The following CHRM3 variants were observed in gnomAD, a reference collection of about 807,000 sequenced individuals.
CHRM3 encodes the protein muscarinic acetylcholine receptor M3.
CHRM3 carries 11 observed loss-of-function variants against 41.8 expected under a neutral mutation model. That is an observed-to-expected ratio of 0.26 (90% CI 0.17 to 0.44). The LOEUF (loss-of-function observed/expected upper bound fraction) is 0.44. CHRM3 is among the 20% of genes least tolerant of loss of function. CHRM3 has a pLI of 1.00. For missense variants in CHRM3, 571 were observed against 745.4 expected (o/e 0.77, Z 2.72); for synonymous variants, 297 against 301.4 (o/e 0.99, Z 0.15).
At chr1:239,712,293 C>T (rs1054814594) in intron 5 of CHRM3, among the ~76,000 whole-genome samples, 2 of 152,068 alleles carry the variant, frequency 1.3e-5, no homozygotes, top group Non-Finnish European at 2.9e-5. Context: ...GGAATGACTT[C>T]GTTGGTTTGT....
chr1:239,604,010 A>AT lies in CHRM3; in HGVS notation c.-312-28213dup, dbSNP rs546510971. 1.3e-3 allele frequency among the ~76,000 whole-genome samples: 202 copies of AT among 152,326 alleles called. 1 individual carries two copies. Among genetic ancestry groups the AT allele is most frequent in the African/African-American group, 4.6e-3 (191 of 41,572 alleles). Reference sequence around the variant, plus strand: ...TAAGAAACATGAAATGCTCAGTAATATATTAGTAAAAATGAAGGGGATTCA... The same window carrying AT: ...TAAGAAACATGAAATGCTCAGTAATATTATTAGTAAAAATGAAGGGGATTCA... On this transcript the variant is annotated intron_variant, in intron 3 of 6. Coordinates refer to ENST00000676153, the MANE Select transcript of CHRM3 (RefSeq NM_001375978.1).
chr1:239,500,745 C>G (rs1668186495), intron 2 of CHRM3, among the ~76,000 whole-genome samples: 1 of 149,920 alleles, frequency 6.7e-6, no homozygotes, highest in Non-Finnish European at 1.5e-5. Flanking sequence ...ACACAGACAA[C>G]AAAAAGCATG....
intron 5 of CHRM3, among the ~76,000 whole-genome samples, chr1:239,754,382 T>A (rs1164670727): frequency 2.0e-5 from 3 of 152,320 alleles, no homozygotes; most frequent in African/African-American, 7.2e-5. Flanking sequence ...GGTGGTTGTT[T>A]CCATAGACAT....
At chr1:239,684,762 G>GAA (rs1658951394) in intron 5 of CHRM3, among the ~76,000 whole-genome samples, 1 of 126,560 alleles carries the variant, frequency 7.9e-6, no homozygotes, top group African/African-American at 2.5e-5. Flanking sequence ...AAGAAAGAAA[G>GAA]AAAGAAAGAG....
chr1:239,902,213 AAGGGAGG>A (rs1377375119), intron 6 of CHRM3, among the ~76,000 whole-genome samples: 1 of 152,164 alleles, frequency 6.6e-6, no homozygotes, highest in African/African-American at 2.4e-5. Context: ...GCATTGGGAG[AAGGGAGG>A]CAAGATCCCC....
intron 4 of CHRM3, among the ~76,000 whole-genome samples, chr1:239,640,573 C>A (rs995029066): frequency 5.3e-5 from 8 of 152,052 alleles, no homozygotes; most frequent in African/African-American, 1.9e-4. Flanking sequence ...GTAGTATTCT[C>A]TGATGGTAGT....
rs1285511768 is a variant in CHRM3 at position 239,555,927 on chromosome 1, A to T, written c.-313+10178A>T. On this transcript the variant is annotated intron_variant, in intron 3 of 6. Transcript: ENST00000676153. Reference sequence around the variant, plus strand: ...CAGTTCAAAAATTGGAAAAACTGTCAGTCATGCACCGTGCTGAGATGGTTT... The same window carrying T: ...CAGTTCAAAAATTGGAAAAACTGTCTGTCATGCACCGTGCTGAGATGGTTT... Among the ~76,000 whole-genome samples the T allele has an allele frequency of 9.2e-5, 14 of 152,216 alleles. 1 individual carries two copies.
chr1:239,691,207 A>C (rs962323160), intron 5 of CHRM3, among the ~76,000 whole-genome samples: 3 of 152,120 alleles, frequency 2.0e-5, no homozygotes. Context: ...GGGCAAATTT[A>C]AGATTTTCAG....
intron 4 of CHRM3, among the ~76,000 whole-genome samples, chr1:239,636,908 T>C (rs1037026854): frequency 3.9e-5 from 6 of 152,222 alleles, no homozygotes; most frequent in Non-Finnish European, 7.3e-5. Flanking sequence ...CTTGTTATGC[T>C]TTTCCACTTT....
At chr1:239,766,672 T>TATAGAGATATAGATATAG (rs1367483454) in intron 5 of CHRM3, among the ~76,000 whole-genome samples, 11 of 145,564 alleles carry the variant, frequency 7.6e-5, no homozygotes, top group African/African-American at 2.7e-4. Context: ...TGGATATAGA[T>TATAGAGATATAGATATAG]ATATAGATAT....
chr1:239,511,951 G>A (rs888201719), intron 2 of CHRM3, among the ~76,000 whole-genome samples: 1 of 152,134 alleles, frequency 6.6e-6, no homozygotes, highest in Non-Finnish European at 1.5e-5. Context: ...AATCTGGTAG[G>A]AACATTAATT....
intron 4 of CHRM3, among the ~76,000 whole-genome samples, chr1:239,647,692 C>G (rs1020416232): frequency 3.3e-5 from 5 of 152,170 alleles, no homozygotes; most frequent in Non-Finnish European, 7.3e-5. Context: ...TCCTATACTT[C>G]CAAAACCAGA....
chr1:239,874,285 G>GTATATATATATATATATATA (rs758413973), intron 6 of CHRM3, among the ~76,000 whole-genome samples: 4 of 83,254 alleles, frequency 4.8e-5, no homozygotes, highest in African/African-American at 2.4e-4. Context: ...TATATACACA[G>GTATATATATATATATATATA]TATATATATA....
At chr1:239,454,868 G>C (rs1664805595) in intron 1 of CHRM3, among the ~76,000 whole-genome samples, 1 of 152,132 alleles carries the variant, frequency 6.6e-6, no homozygotes, top group Non-Finnish European at 1.5e-5. Flanking sequence ...TGATGTGGTA[G>C]CAGCAGCTCA....
chr1:239,588,738 T>G (rs1351649514), intron 3 of CHRM3, among the ~76,000 whole-genome samples: 1 of 152,190 alleles, frequency 6.6e-6, no homozygotes, highest in Non-Finnish European at 1.5e-5. Context: ...AGGTACAACT[T>G]GTGTTTCTGT....
rs111828030 is a variant in CHRM3 at position 239,901,849 on chromosome 1, A to G, written c.-19-5584A>G. ...GTCTCCTTGTGTACATACGAATGCA[A>G]TAATTTCTAGAGGGTAGATACCTAG... is the stretch of plus-strand genomic sequence containing the variant. On this transcript the variant is annotated intron_variant, in intron 6 of 6. Coordinates refer to ENST00000676153, the MANE Select transcript of CHRM3 (RefSeq NM_001375978.1). 2.5e-3 allele frequency among the ~76,000 whole-genome samples: 374 copies of G among 152,280 alleles called. 4 individuals carry two copies. Among genetic ancestry groups the G allele is most frequent in the African/African-American group, 7.9e-3 (328 of 41,564 alleles).
At chr1:239,648,795 T>C (rs72758725) in intron 4 of CHRM3, among the ~76,000 whole-genome samples, 40,805 of 152,082 alleles carry the variant, frequency 0.27, 6,218 homozygotes, top group East Asian at 0.65. Context: ...AATTTTTATA[T>C]GTATAAAATC....
At chr1:239,839,459 A>G (rs7530256) in intron 6 of CHRM3, among the ~76,000 whole-genome samples, 25,747 of 152,116 alleles carry the variant, frequency 0.17, 4,595 homozygotes, top group African/African-American at 0.46. Flanking sequence ...AGTATGGGAT[A>G]TAGGTAGGAA....
intron 1 of CHRM3, among the ~76,000 whole-genome samples, chr1:239,491,708 G>A (rs906035009): frequency 6.6e-6 from 1 of 152,142 alleles, no homozygotes. Context: ...GCCCATAGTG[G>A]GATTGCTGGA....
Sources: gnomAD v4.1 joint callset for allele counts (sites outside exome capture counted in the v4.1 genomes callset) on GRCh38, gnomAD v4.1.1 for gene constraint, MANE v1.5 for transcripts, NCBI Gene and HGNC (gene_info 2026-07-23, HGNC 2026-07-21) for gene names.